ADGRG6: variants seen among roughly 807,000 people sequenced by gnomAD.
ADGRG6 encodes the protein G-protein coupled receptor 126.
A neutral mutation model predicts 142.4 loss-of-function variants in ADGRG6; 84 were observed. The ratio of observed to expected loss-of-function variants is 0.59; its 90% CI spans 0.49 to 0.71. The LOEUF (loss-of-function observed/expected upper bound fraction) is 0.71. Ranked by LOEUF, ADGRG6 falls within the 30% of genes least tolerant of loss-of-function variation. The pLI, the probability that ADGRG6 is intolerant of heterozygous loss-of-function variation, is 0.00. For synonymous variants in ADGRG6, 521 were observed against 520.5 expected (o/e 1.00, Z -0.01); for missense variants, 1,367 against 1,466.6 (o/e 0.93, Z 1.11).
At chr6:142,345,080 G>T (rs1007826612) in intron 2 of ADGRG6, among the ~76,000 whole-genome samples, 2 of 151,980 alleles carry the variant, frequency 1.3e-5, no homozygotes, top group African/African-American at 4.8e-5. Context: ...AAATATTGTT[G>T]CCTGTGAAAG....
At chr6:142,326,953 T>G (rs569940606) in intron 2 of ADGRG6, among the ~76,000 whole-genome samples, 1 of 152,268 alleles carries the variant, frequency 6.6e-6, no homozygotes, top group South Asian at 2.1e-4. Flanking sequence ...TTTCAGAAAC[T>G]GATGGCATCC....
chr6:142,357,771 C>T (rs1788711623), intron 2 of ADGRG6, among the ~76,000 whole-genome samples: 1 of 152,136 alleles, frequency 6.6e-6, no homozygotes, highest in African/African-American at 2.4e-5. Context: ...ACCTGCACCA[C>T]ATAACATGGA....
intron 4 of ADGRG6, among the ~76,000 whole-genome samples, chr6:142,373,941 C>T (rs2114888756): frequency 7.2e-6 from 1 of 139,626 alleles, no homozygotes; most frequent in Non-Finnish European, 1.5e-5. Flanking sequence ...AGACTGGCCT[C>T]AAACTCCTGG....
At position 142,420,091 on chromosome 6, in the gene ADGRG6, C is replaced by G; in HGVS notation, c.3306C>G (p.Phe1102Leu). ...NIPFMYLFSI[F>L]NSLQGLFIFI... ...CCTTCATGTACCTCTTCTCCATCTT[C>G]AATTCATTACAAGGTAAGATAAATT... Residue 1102 changes from phenylalanine (F) to leucine (L), a missense_variant, in exon 22 of 25, where the codon TTC (phenylalanine) becomes TTG (leucine). By Grantham distance (22) the Phe-to-Leu change is conservative. Transcript: ENST00000367609. 6.2e-7 allele frequency: 1 copy of G among 1,611,070 alleles called. No homozygotes were observed. Among genetic ancestry groups the G allele is most frequent in the Non-Finnish European group, 8.5e-7 (1 of 1,177,666 alleles).
intron 1 of ADGRG6, among the ~76,000 whole-genome samples, chr6:142,306,560 T>G (rs567049029): frequency 6.6e-6 from 1 of 152,302 alleles, no homozygotes; most frequent in South Asian, 2.1e-4. Context: ...AGGTTTTTTT[T>G]GCATAATCTT....
intron 2 of ADGRG6, among the ~76,000 whole-genome samples, chr6:142,327,312 A>G (rs1778824393): frequency 6.6e-6 from 1 of 152,102 alleles, no homozygotes; most frequent in Non-Finnish European, 1.5e-5. Flanking sequence ...TGGAAGTACC[A>G]TAACAGCAAC....
chr6:142,305,407 C>CA (rs1777439893), intron 1 of ADGRG6, among the ~76,000 whole-genome samples: 1 of 118,392 alleles, frequency 8.4e-6, no homozygotes, highest in Non-Finnish European at 1.7e-5. Context: ...CCTTTCCTGC[C>CA]CCCCCCCACG....
At chr6:142,322,131 G>A (rs544511474) in intron 2 of ADGRG6, among the ~76,000 whole-genome samples, 3 of 152,260 alleles carry the variant, frequency 2.0e-5, no homozygotes, top group African/African-American at 4.8e-5. Flanking sequence ...TGGGCACAGT[G>A]ACTCATGTCA....
Position 142,367,780 on chromosome 6 carries a change from G to A in ADGRG6, c.315G>A (p.Glu105=), listed in dbSNP as rs1227695535. The part of the protein sequence containing the change: ...IYDSLSLDNG[E]SQTKFCGATA... ...ACTCATTATCCCTTGATAATGGAGA[G>A]AGCCAGACTAAATTTTGTGGAGCAA... The change falls in exon 3 of 25, where the codon GAG becomes GAA. Residue 105 remains glutamate (E), a synonymous_variant. Transcript: ENST00000367609. 1 of 1,613,806 alleles carries A rather than the reference G, an allele frequency of 6.2e-7. No homozygotes were observed. The highest frequency in any genetic ancestry group is 8.5e-7 in the Non-Finnish European group (1 of 1,179,722).
chr6:142,389,876 A>G (rs1163742997), intron 6 of ADGRG6, among the ~76,000 whole-genome samples: 1 of 151,884 alleles, frequency 6.6e-6, no homozygotes, highest in Non-Finnish European at 1.5e-5. Flanking sequence ...CAAACTCTTT[A>G]TCATTCTTTA....
intron 2 of ADGRG6, among the ~76,000 whole-genome samples, chr6:142,314,597 G>A (rs117525106): frequency 3.7e-3 from 560 of 152,254 alleles, no homozygotes; most frequent in Non-Finnish European, 5.7e-3. Context: ...TCTTGCTTTC[G>A]TGTATCAATT....
At chr6:142,407,357 T>C (rs1020195562) in intron 15 of ADGRG6, among the ~76,000 whole-genome samples, 1 of 151,962 alleles carries the variant, frequency 6.6e-6, no homozygotes, top group Non-Finnish European at 1.5e-5. Context: ...AGTTTAATAA[T>C]GACCACCACA....
chr6:142,309,727 C>A, intron 2 of ADGRG6, 83 bp downstream of exon 2: 1 of 785,006 alleles, frequency 1.3e-6, no homozygotes, highest in Non-Finnish European at 1.9e-6. Flanking sequence ...TTTATGTTGC[C>A]TTACTTTTAC....
At chr6:142,406,281 G>T (rs1284265600) in intron 15 of ADGRG6, among the ~76,000 whole-genome samples, 5 of 150,580 alleles carry the variant, frequency 3.3e-5, no homozygotes, top group African/African-American at 4.9e-5. Context: ...AGTATTTCAA[G>T]TGACCTTTGG....
At chr6:142,326,410 G>A (rs1778781171) in intron 2 of ADGRG6, among the ~76,000 whole-genome samples, 1 of 151,758 alleles carries the variant, frequency 6.6e-6, no homozygotes, top group Non-Finnish European at 1.5e-5. Flanking sequence ...AAAAGAAATG[G>A]TAATGAAAAA....
At chr6:142,395,459 G>A (rs1002137939) in intron 9 of ADGRG6, among the ~76,000 whole-genome samples, 1 of 152,098 alleles carries the variant, frequency 6.6e-6, no homozygotes, top group Non-Finnish European at 1.5e-5. Context: ...GTCAGCGTCC[G>A]CTTTTTAGTG....
intron 2 of ADGRG6, among the ~76,000 whole-genome samples, chr6:142,327,282 C>A (rs1462946097): frequency 1.3e-5 from 2 of 151,362 alleles, no homozygotes; most frequent in African/African-American, 4.9e-5. Flanking sequence ...AAAAAAAAGT[C>A]TTTGGGGACT....
intron 2 of ADGRG6, among the ~76,000 whole-genome samples, chr6:142,364,102 G>A (rs1439979394): frequency 6.6e-6 from 1 of 151,624 alleles, no homozygotes; most frequent in Non-Finnish European, 1.5e-5. Flanking sequence ...GTGACTTTGT[G>A]TGAGTTATCC....
At chr6:142,360,386 A>G (rs539877758) in intron 2 of ADGRG6, among the ~76,000 whole-genome samples, 2 of 152,338 alleles carry the variant, frequency 1.3e-5, no homozygotes, top group African/African-American at 4.8e-5. Context: ...GTATATATAA[A>G]GAAGAGCTGA....
Sources: allele counts gnomAD v4.1 joint callset (sites outside exome capture counted in the v4.1 genomes callset), GRCh38; gene constraint gnomAD v4.1.1; transcripts MANE v1.5; gene names NCBI Gene and HGNC (gene_info 2026-07-23, HGNC 2026-07-21).